Variants in DCN observed in about 807,000 individuals in gnomAD.
DCN encodes the protein decorin.
A neutral mutation model predicts 36.5 loss-of-function variants in DCN; 17 were observed. The ratio of observed to expected loss-of-function variants is 0.47; its 90% confidence interval spans 0.32 to 0.70. DCN has a LOEUF of 0.70. Ranked by LOEUF, DCN falls within the 30% of genes least tolerant of loss-of-function variation. The probability of loss-of-function intolerance (pLI) is 0.04; values close to 1 mark genes in which losing one functional copy is unlikely to be tolerated. For synonymous variants in DCN, 163 were observed against 161.4 expected, an observed-to-expected ratio of 1.01 and a Z score of -0.07; for missense variants, 389 against 430.1, an observed-to-expected ratio of 0.90 and a Z score of 0.84.
intron 3 of DCN, among the ~76,000 whole-genome samples, chr12:91,159,512 A>G (rs1035373150): frequency 6.6e-6 from 1 of 152,110 alleles, no homozygotes; most frequent in African/African-American, 2.4e-5. Flanking sequence ...ATTTTAATAT[A>G]GGTTAATAAT....
At chr12:91,167,468 G>GAC (rs1400348801) in intron 2 of DCN, among the ~76,000 whole-genome samples, 1 of 141,270 alleles carries the variant, frequency 7.1e-6, no homozygotes, top group African/African-American at 3.0e-5. Flanking sequence ...CACACAGACA[G>GAC]ACAGACACAC....
At chr12:91,151,188 C>A in intron 7 of DCN, 1 of 205,506 alleles carries the variant, frequency 4.9e-6, no homozygotes, top group Non-Finnish European at 9.8e-6. Flanking sequence ...ATTCTGCAAA[C>A]GTATCTCATT....
chr12:91,170,230 A>T (rs756218469), intron 2 of DCN, among the ~76,000 whole-genome samples: 8 of 152,122 alleles, frequency 5.3e-5, no homozygotes, highest in Admixed American at 3.3e-4. Context: ...GCTACCTATG[A>T]TTATTATTAA....
At chr12:91,151,204 T>A (rs532946224) in intron 7 of DCN, 31 of 204,314 alleles carry the variant, frequency 1.5e-4, no homozygotes, top group African/African-American at 7.4e-4. Flanking sequence ...TCATTTTTTT[T>A]TTAGAGGAAA....
intron 5 of DCN, among the ~76,000 whole-genome samples, chr12:91,154,237 G>C (rs1263453507): frequency 6.6e-6 from 1 of 151,976 alleles, no homozygotes; most frequent in African/African-American, 2.4e-5. Context: ...AGTTTCCTAT[G>C]GTAGCATATT....
At chr12:91,165,713 G>T (rs1882520705) in intron 2 of DCN, among the ~76,000 whole-genome samples, 1 of 151,896 alleles carries the variant, frequency 6.6e-6, no homozygotes, top group Non-Finnish European at 1.5e-5. Flanking sequence ...TTTTAAGACT[G>T]CATAACACAA....
chr12:91,160,114 C>T (rs781702575), intron 3 of DCN, among the ~76,000 whole-genome samples: 2 of 152,048 alleles, frequency 1.3e-5, no homozygotes, highest in Non-Finnish European at 2.9e-5. Context: ...ACAATTCTAA[C>T]ACACTGCGAT....
At chr12:91,148,425 A>G (rs904477791) in intron 7 of DCN, among the ~76,000 whole-genome samples, 5 of 152,062 alleles carry the variant, frequency 3.3e-5, no homozygotes, top group Non-Finnish European at 5.9e-5. Flanking sequence ...CCCTTAAAAC[A>G]TAACTTGAAA....
chr12:91,149,664 AT>A (rs1352977510), intron 7 of DCN, among the ~76,000 whole-genome samples: 1 of 152,186 alleles, frequency 6.6e-6, no homozygotes, highest in African/African-American at 2.4e-5. Context: ...AAAGCTGTCT[AT>A]TTTTAAATAA....
chr12:91,159,598 T>C (rs963371731), intron 3 of DCN, among the ~76,000 whole-genome samples: 2 of 152,036 alleles, frequency 1.3e-5, no homozygotes, highest in South Asian at 4.2e-4. Context: ...TTTTTTTGCC[T>C]TTTTTTATGT....
rs1228093542 is a variant in DCN at position 91,145,616 on chromosome 12, T to C, written c.*442A>G. On this transcript the variant is annotated 3_prime_UTR_variant, in exon 8 of 8. Transcript: ENST00000052754. ...CCTGTATTGAATTCACACATTCAAA[T>C]GAGGCTTTACCAGTAATGATGGGGA... 2 of 186,332 alleles carry C rather than the reference T, an allele frequency of 1.1e-5. No individual in the cohort carries two copies. 11.5% of individuals were successfully genotyped at this position (186,332 alleles called of 1,614,324 possible).
chr12:91,165,966 G>T (rs1882541192), intron 2 of DCN, among the ~76,000 whole-genome samples: 1 of 152,036 alleles, frequency 6.6e-6, no homozygotes, highest in Non-Finnish European at 1.5e-5. Context: ...TATAATAACC[G>T]CTATGTCGAG....
chr12:91,166,627 C>T (rs372790492), intron 2 of DCN, among the ~76,000 whole-genome samples: 3 of 152,152 alleles, frequency 2.0e-5, no homozygotes, highest in African/African-American at 7.2e-5. Flanking sequence ...AACATTTTGT[C>T]AATGCGAAAC....
chr12:91,159,874 T>C (rs1378436151), intron 3 of DCN, among the ~76,000 whole-genome samples: 1 of 152,094 alleles, frequency 6.6e-6, no homozygotes, highest in Admixed American at 6.5e-5. Flanking sequence ...CATTTTCAAT[T>C]ATAGTATATG....
At chr12:91,151,473 G>T in intron 7 of DCN, 181 bp downstream of exon 7, 1 of 659,040 alleles carries the variant, frequency 1.5e-6, no homozygotes, top group Non-Finnish European at 2.6e-6. Flanking sequence ...TTGAAATCTA[G>T]CTAATGTAAA....
At chr12:91,177,320 T>C (rs1344806736) in intron 2 of DCN, 2 of 477,102 alleles carry the variant, frequency 4.2e-6, no homozygotes, top group Admixed American at 3.8e-5. Flanking sequence ...TTGTAGAAGT[T>C]GCATTTTTCT....
In DCN at chr12:91,177,637, A is replaced by G. The variant is rs768133870; in HGVS notation, c.211+705T>C. 1.7e-5 allele frequency: 12 copies of G among 702,290 alleles called. 1 individual carries two copies. Among genetic ancestry groups the G allele is most frequent in the Middle Eastern group, 4.6e-4 (2 of 4,382 alleles). 43.5% of individuals were successfully genotyped at this position (702,290 alleles called of 1,614,324 possible). Reference sequence around the variant, plus strand: ...CAGACCAAATTTTTCTGAAAAGATGATAAATCAAACTGTCTTTAGGGTGTT... The same window carrying G: ...CAGACCAAATTTTTCTGAAAAGATGGTAAATCAAACTGTCTTTAGGGTGTT... On this transcript the variant is annotated intron_variant, in intron 2 of 7. Coordinates refer to ENST00000052754, the MANE Select transcript of DCN (RefSeq NM_001920.5).
At chr12:91,157,213 T>A in intron 4 of DCN, 25 bp from the exon 5 acceptor site, 3 of 1,537,276 alleles carry the variant, frequency 2.0e-6, no homozygotes, top group Non-Finnish European at 2.7e-6. Context: ...AGTGCAAGGC[T>A]TTTAGAGGAA....
chr12:91,177,014 C>G (rs1414724903), intron 2 of DCN: 1 of 152,670 alleles, frequency 6.6e-6, no homozygotes, highest in Non-Finnish European at 1.5e-5. Context: ...GTCACCACCA[C>G]TAGAACATAA....
Sources: gnomAD v4.1 joint callset for allele counts (sites outside exome capture counted in the v4.1 genomes callset) on GRCh38, gnomAD v4.1.1 for gene constraint, MANE v1.5 for transcripts, NCBI Gene and HGNC (gene_info 2026-07-23, HGNC 2026-07-21) for gene names.